GRIK3: variants seen among roughly 807,000 people sequenced by gnomAD.
GRIK3 encodes the protein glutamate ionotropic receptor kainate type subunit 3.
In GRIK3, 29 loss-of-function variants were observed where a neutral mutation model predicts 102.5. That is an observed-to-expected ratio of 0.28 (90% CI 0.21 to 0.39). The LOEUF is 0.39. Ranked by LOEUF, GRIK3 falls within the 10% of genes least tolerant of loss-of-function variation. GRIK3 has a pLI of 1.00. For synonymous variants in GRIK3, 511 were observed against 504.9 expected (o/e 1.01, Z -0.16); for missense variants, 908 against 1,252.4 (o/e 0.73, Z 4.15).
At chr1:36,840,567 AAAAAAAAAAAT>A (rs1446525905) in intron 10 of GRIK3, among the ~76,000 whole-genome samples, 2,133 of 106,244 alleles carry the variant, frequency 0.02, 54 homozygotes, top group African/African-American at 0.078. Flanking sequence ...AAAAAAAAAA[AAAAAAAAAAAT>A]TAGCCAGGTG....
At chr1:36,978,618 G>C (rs941439342) in intron 1 of GRIK3, among the ~76,000 whole-genome samples, 1 of 152,198 alleles carries the variant, frequency 6.6e-6, no homozygotes, top group Non-Finnish European at 1.5e-5. Flanking sequence ...TGGTCTGCGG[G>C]GGTTAGCTGG....
chr1:36,985,868 T>C (rs1642298656), intron 1 of GRIK3, among the ~76,000 whole-genome samples: 1 of 152,040 alleles, frequency 6.6e-6, no homozygotes, highest in Admixed American at 6.5e-5. Flanking sequence ...CTCTGTCCGA[T>C]CTCCCACAGA....
chr1:36,880,621 C>T lies in GRIK3; in HGVS notation c.550+13G>A, dbSNP rs1363773665. The T allele has an allele frequency of 6.2e-7, 1 of 1,613,108 alleles. No individual in the cohort carries two copies. On this transcript the variant is annotated intron_variant, in intron 3 of 15. Transcript: ENST00000373091. This position sits in a 1 kb window ranked among gnomAD's most constrained non-coding sequence, Gnocchi z 5.4. ...AACCGTTGCCCCCAGCCTAGCCAGG[C>T]CTGGCCACCCACCTGTACTGTCGTC...
Position 36,799,043 on chromosome 1 carries a change from T to A in GRIK3, c.*2808A>T, listed in dbSNP as rs1290128430. On this transcript the variant is annotated 3_prime_UTR_variant, in exon 16 of 16. Coordinates refer to ENST00000373091, the MANE Select transcript of GRIK3 (RefSeq NM_000831.4). Reference sequence around the variant, plus strand: ...AAGAATGAGGCACGTGCTCTGAAACTATACTGGACAAAGTAAGACGGCGCT... The same window carrying A: ...AAGAATGAGGCACGTGCTCTGAAACAATACTGGACAAAGTAAGACGGCGCT... 1 of 152,228 alleles carries A rather than the reference T, an allele frequency of 6.6e-6. No homozygotes were observed. Among genetic ancestry groups the A allele is most frequent in the African/African-American group, 2.4e-5 (1 of 41,466 alleles). 9.4% of individuals were successfully genotyped at this position (152,228 alleles called of 1,614,324 possible).
At chr1:36,986,415 T>C (rs1206395975) in intron 1 of GRIK3, among the ~76,000 whole-genome samples, 2 of 68,944 alleles carry the variant, frequency 2.9e-5, no homozygotes, top group African/African-American at 4.7e-5. Context: ...CCCATCTCTC[T>C]GTCCATCCAT....
Position 36,891,092 on chromosome 1 carries a change from T to C in GRIK3, c.120A>G (p.Gly40=), listed in dbSNP as rs375141174. ...RGMPHVIRIG[G]IFEYADGPNA... is the part of the protein sequence containing the mutation. ...TGGGGCCGTCCGCATACTCGAAGATTCCTCCTGTGAAAGATGAGTAAAATT... is the reference window on the plus strand; with the variant it reads ...TGGGGCCGTCCGCATACTCGAAGATCCCTCCTGTGAAAGATGAGTAAAATT... The change falls in exon 2 of 16, where the codon GGA becomes GGG. Residue 40 remains glycine (G), a synonymous_variant. Coordinates refer to ENST00000373091, the MANE Select transcript of GRIK3 (RefSeq NM_000831.4). 2 of 1,610,760 alleles carry C rather than the reference T, an allele frequency of 1.2e-6. No individual in the cohort carries two copies. Among genetic ancestry groups the C allele is most frequent in the Non-Finnish European group, 1.7e-6 (2 of 1,178,078 alleles).
intron 8 of GRIK3, among the ~76,000 whole-genome samples, chr1:36,851,132 C>T (rs1171278403): frequency 6.6e-6 from 1 of 152,218 alleles, no homozygotes; most frequent in African/African-American, 2.4e-5. Flanking sequence ...TGCATGCCCA[C>T]TCTGTCCTTG....
At chr1:36,982,253 G>A (rs912299356) in intron 1 of GRIK3, among the ~76,000 whole-genome samples, 1 of 152,228 alleles carries the variant, frequency 6.6e-6, no homozygotes, top group Admixed American at 6.5e-5. Context: ...GGACTCTGAT[G>A]GTCAGGGCCC....
chr1:36,925,900 G>A (rs1315115252), intron 1 of GRIK3, among the ~76,000 whole-genome samples: 1 of 152,142 alleles, frequency 6.6e-6, no homozygotes, highest in African/African-American at 2.4e-5. Context: ...CTGACCTGTA[G>A]GCCCCAAGCC....
intron 1 of GRIK3, among the ~76,000 whole-genome samples, chr1:36,924,789 C>T (rs1641510433): frequency 6.6e-6 from 1 of 152,124 alleles, no homozygotes; most frequent in Non-Finnish European, 1.5e-5. Context: ...TTAGCAAACG[C>T]CTGGCTCTTG....
intron 1 of GRIK3, among the ~76,000 whole-genome samples, chr1:36,911,919 G>T (rs1367675997): frequency 6.6e-6 from 1 of 152,030 alleles, no homozygotes; most frequent in African/African-American, 2.4e-5. Flanking sequence ...CCACCTCCGC[G>T]GTCAGTCAGC....
intron 1 of GRIK3, among the ~76,000 whole-genome samples, chr1:36,964,947 C>A (rs753822451): frequency 6.6e-6 from 1 of 152,212 alleles, no homozygotes; most frequent in Non-Finnish European, 1.5e-5. Flanking sequence ...GGTTTTGAAA[C>A]GCTGTTAATT....
chr1:36,837,060 C>T (rs1249405402), intron 10 of GRIK3, among the ~76,000 whole-genome samples: 6 of 152,012 alleles, frequency 3.9e-5, no homozygotes, highest in Non-Finnish European at 2.9e-5. Context: ...TCCCCTCCAG[C>T]CTTGCCAGCC....
intron 1 of GRIK3, among the ~76,000 whole-genome samples, chr1:36,902,752 A>G (rs1641245176): frequency 6.6e-6 from 1 of 152,212 alleles, no homozygotes; most frequent in African/African-American, 2.4e-5. Context: ...AGTAAAGAGA[A>G]TGAAAAATGA....
chr1:36,883,601 G>T (rs150969577), intron 2 of GRIK3, among the ~76,000 whole-genome samples: 35 of 152,324 alleles, frequency 2.3e-4, no homozygotes, highest in African/African-American at 8.2e-4. Flanking sequence ...CAGGGTTCTA[G>T]ATCCTTAGAG....
At chr1:36,935,558 C>A (rs981662262) in intron 1 of GRIK3, among the ~76,000 whole-genome samples, 3 of 151,702 alleles carry the variant, frequency 2.0e-5, no homozygotes, top group African/African-American at 7.3e-5. Flanking sequence ...CTCTTCTCCC[C>A]ACCCTGCCCC....
At chr1:36,888,930 G>T (rs1309657205) in intron 2 of GRIK3, among the ~76,000 whole-genome samples, 1 of 152,008 alleles carries the variant, frequency 6.6e-6, no homozygotes, top group Non-Finnish European at 1.5e-5. Context: ...CTTTTTTCCT[G>T]CAGGGATCGT....
At chr1:37,030,535 A>ACCCCC (rs1312336665) in intron 1 of GRIK3, among the ~76,000 whole-genome samples, 2 of 69,908 alleles carry the variant, frequency 2.9e-5, no homozygotes, top group African/African-American at 1.1e-4. Flanking sequence ...CCTTTTCCCC[A>ACCCCC]CCCCCCACCC....
chr1:37,015,675 AG>A (rs1278680495), intron 1 of GRIK3, among the ~76,000 whole-genome samples: 4 of 152,302 alleles, frequency 2.6e-5, no homozygotes, highest in African/African-American at 9.6e-5. Flanking sequence ...GTTCCTGTCT[AG>A]GGTGGGCAGG....
Sources: allele counts gnomAD v4.1 joint callset (sites outside exome capture counted in the v4.1 genomes callset), GRCh38; gene constraint gnomAD v4.1.1; non-coding constraint Gnocchi (gnomAD v3.1); transcripts MANE v1.5; gene names NCBI Gene and HGNC (gene_info 2026-07-23, HGNC 2026-07-21).